The following SDHB variants were observed in gnomAD, a reference collection of about 807,000 sequenced individuals.
SDHB encodes succinate dehydrogenase complex iron sulfur subunit B, also known as succinate dehydrogenase [ubiquinone] iron-sulfur subunit, mitochondrial.
SDHB carries 21 observed loss-of-function variants against 39.7 expected under a neutral mutation model. That is an observed-to-expected ratio of 0.53 (90% CI 0.37 to 0.76). The LOEUF is 0.76. Ranked by LOEUF, SDHB falls within the 30% of genes least tolerant of loss-of-function variation. The probability of loss-of-function intolerance (pLI) is 0.00; values close to 1 mark genes in which losing one functional copy is unlikely to be tolerated. For synonymous variants in SDHB, 118 were observed against 117.0 expected, an observed-to-expected ratio of 1.01 and a Z score of -0.06; for missense variants, 343 against 350.9, an observed-to-expected ratio of 0.98 and a Z score of 0.18.
intron 7 of SDHB, among the ~76,000 whole-genome samples, chr1:17,021,467 G>A (rs1480235854): frequency 5.9e-5 from 9 of 152,014 alleles, no homozygotes; most frequent in African/African-American, 9.7e-5. Context: ...GAGAGGGGCC[G>A]GTCGCGGTGG....
rs545681543 is a variant in SDHB, at chr1:17,018,910, T to C, written c.814A>G (p.Thr272Ala). 22 of 1,613,210 alleles carry C rather than the reference T, an allele frequency of 1.4e-5. No individual in the cohort carries two copies. Among genetic ancestry groups the C allele is most frequent in the East Asian group, 2.2e-5 (1 of 44,878 alleles). The change falls in exon 8 of 8, where the codon ACC becomes GCC. Residue 272 changes from threonine (T) to alanine (A), a missense_variant. Thr to Ala is a moderately conservative substitution (Grantham distance 58). Coordinates refer to ENST00000375499, the MANE Select transcript of SDHB (RefSeq NM_003000.3). Reference protein sequence around the residue: ...AIAEIKKMMATYKEKKASV With the variant: ...AIAEIKKMMAAYKEKKASV ...ACTGAAGCTTTCTTCTCCTTATAGGTTGCCATCATTTTCTTGATCTCTGCA... is the reference window on the plus strand; with the variant it reads ...ACTGAAGCTTTCTTCTCCTTATAGGCTGCCATCATTTTCTTGATCTCTGCA...
intron 1 of SDHB, among the ~76,000 whole-genome samples, chr1:17,049,321 A>G (rs2078131644): frequency 6.8e-6 from 1 of 146,786 alleles, no homozygotes; most frequent in African/African-American, 2.5e-5. Context: ...TCTTTTTTGG[A>G]GAGTCTCATT....
chr1:17,050,226 G>A (rs975476192), intron 1 of SDHB, among the ~76,000 whole-genome samples: 6 of 151,930 alleles, frequency 3.9e-5, no homozygotes, highest in Non-Finnish European at 8.8e-5. Context: ...TGTGAAATAA[G>A]AGCAATGCCA....
chr1:17,037,937 G>T (rs1267399232), intron 2 of SDHB, among the ~76,000 whole-genome samples: 1 of 152,160 alleles, frequency 6.6e-6, no homozygotes, highest in East Asian at 1.9e-4. Context: ...AGGAGTTCGA[G>T]ACCAGCCTGA....
Position 17,022,656 on chromosome 1 carries a change from AGAGAAT to A in SDHB, c.711_716del (p.Phe238_Ser239del). The A allele has an allele frequency of 6.2e-7, 1 of 1,614,018 alleles. No homozygotes were observed. Among genetic ancestry groups the A allele is most frequent in the Non-Finnish European group, 8.5e-7 (1 of 1,179,984 alleles). ...TCATGATGGTGTGGCAGCGGTATAG[AGAGAAT>A]GGGTCCTGCAGCTTGGCCAGGCGCT... On this transcript the variant is annotated inframe_deletion, in exon 7 of 8. Coordinates refer to ENST00000375499, the MANE Select transcript of SDHB (RefSeq NM_003000.3).
At chr1:17,025,872 A>T (rs1570946817) in intron 5 of SDHB, among the ~76,000 whole-genome samples, 1 of 152,306 alleles carries the variant, frequency 6.6e-6, no homozygotes, top group East Asian at 1.9e-4. Flanking sequence ...ATGTTCCAAA[A>T]TCTGAAACTT....
chr1:17,052,013 T>A (rs1313507085), intron 1 of SDHB, among the ~76,000 whole-genome samples: 1 of 16,240 alleles, frequency 6.2e-5, no homozygotes, highest in African/African-American at 2.4e-4. Flanking sequence ...AGCTAATTTT[T>A]TTTTTATTTT....
intron 2 of SDHB, among the ~76,000 whole-genome samples, chr1:17,042,387 G>A (rs2078085979): frequency 6.6e-6 from 1 of 152,078 alleles, no homozygotes; most frequent in Admixed American, 6.5e-5. Context: ...TTTTTCCGGA[G>A]TTGATCATTG....
At chr1:17,053,717 C>T (rs1024277706) in intron 1 of SDHB, among the ~76,000 whole-genome samples, 4 of 151,700 alleles carry the variant, frequency 2.6e-5, no homozygotes, top group African/African-American at 4.9e-5. Flanking sequence ...CCCCCGCACC[C>T]TTAGCTGTAA....
At chr1:17,043,356 T>C (rs1363018055) in intron 2 of SDHB, among the ~76,000 whole-genome samples, 1 of 152,210 alleles carries the variant, frequency 6.6e-6, no homozygotes, top group Non-Finnish European at 1.5e-5. Context: ...CTAGGGACTT[T>C]TGGTTGCTGA....
intron 1 of SDHB, chr1:17,052,372 T>G (rs2078153002): frequency 6.6e-6 from 1 of 152,226 alleles, no homozygotes; most frequent in African/African-American, 2.4e-5. Flanking sequence ...TGAGGTGGCT[T>G]TTGTGGGTAT....
intron 5 of SDHB, among the ~76,000 whole-genome samples, chr1:17,026,000 T>C (rs570402119): frequency 1.5e-4 from 23 of 152,292 alleles, no homozygotes; most frequent in African/African-American, 5.3e-4. Flanking sequence ...TGAAAACATA[T>C]GAAACCCCAA....
intron 2 of SDHB, among the ~76,000 whole-genome samples, chr1:17,041,614 A>G (rs2078080578): frequency 6.6e-6 from 1 of 152,172 alleles, no homozygotes; most frequent in East Asian, 1.9e-4. Context: ...GTGAGCCAAG[A>G]TCGCACCACT....
chr1:17,021,482 C>T (rs1360962644), intron 7 of SDHB, among the ~76,000 whole-genome samples: 2 of 151,982 alleles, frequency 1.3e-5, no homozygotes, highest in Middle Eastern at 3.2e-3. Flanking sequence ...CGGTGGCTCA[C>T]GCCTGTAATC....
At chr1:17,035,723 G>C (rs1453514488) in intron 2 of SDHB, among the ~76,000 whole-genome samples, 1 of 151,968 alleles carries the variant, frequency 6.6e-6, no homozygotes, top group Non-Finnish European at 1.5e-5. Flanking sequence ...AGCTGGGTGT[G>C]GTTGCACGTG....
At chr1:17,053,877 G>A (rs2101551527) in intron 1 of SDHB, 71 bp downstream of exon 1, 2 of 1,142,616 alleles carry the variant, frequency 1.8e-6, no homozygotes, top group Admixed American at 1.9e-5. Context: ...CAGTCTCTCC[G>A]CAGCCCCATC....
intron 3 of SDHB, chr1:17,032,716 C>T (rs1163816072): frequency 5.5e-6 from 2 of 364,858 alleles, no homozygotes; most frequent in East Asian, 6.6e-5. Context: ...AAGTGCCAGA[C>T]AGAAACTCTC....
At position 17,053,924 on chromosome 1, in the gene SDHB, CCTCT is replaced by C; in HGVS notation, c.72+20_72+23del. The C allele has an allele frequency of 6.3e-7, 1 of 1,595,868 alleles. No homozygotes were observed. The highest frequency in any genetic ancestry group is 8.6e-7 in the Non-Finnish European group (1 of 1,165,528). On this transcript the variant is annotated intron_variant, in intron 1 of 7. Transcript: ENST00000375499. ...GTCTCTGTGGCTTTCCTGACTTTTC[CCTCT>C]CTGAGGCTCCAGGACTCACCTGCAG...
At chr1:17,035,045 T>G (rs1319998956) in intron 2 of SDHB, among the ~76,000 whole-genome samples, 1 of 152,120 alleles carries the variant, frequency 6.6e-6, no homozygotes, top group Non-Finnish European at 1.5e-5. Context: ...ACCAGGGTCT[T>G]GGAAATTCTT....
Sources: allele counts gnomAD v4.1 joint callset (sites outside exome capture counted in the v4.1 genomes callset), GRCh38; gene constraint gnomAD v4.1.1; transcripts MANE v1.5; gene names NCBI Gene and HGNC (gene_info 2026-07-23, HGNC 2026-07-21).